Variants in PDE9A observed in about 807,000 individuals in gnomAD.
PDE9A encodes phosphodiesterase 9A, also known as high affinity cGMP-specific 3',5'-cyclic phosphodiesterase 9A.
PDE9A carries 60 observed loss-of-function variants against 87.4 expected under a neutral mutation model. The observed-to-expected ratio is 0.69, with a 90% CI of 0.56 to 0.85. The LOEUF (loss-of-function observed/expected upper bound fraction) is 0.85, where lower values mean the gene tolerates loss of function less well. PDE9A is among the 40% of genes least tolerant of loss of function. The pLI is 0.00. For synonymous variants in PDE9A, 272 were observed against 279.4 expected, an observed-to-expected ratio of 0.97 and a Z score of 0.27; for missense variants, 665 against 779.0, an observed-to-expected ratio of 0.85 and a Z score of 1.74.
intron 16 of PDE9A, 184 bp downstream of exon 16, chr21:42,768,476 T>A: frequency 8.5e-7 from 1 of 1,181,398 alleles, no homozygotes; most frequent in Admixed American, 3.1e-5. Context: ...ATTTGAGACC[T>A]GAAAGACAGT....
chr21:42,689,018 T>A (rs981218667), intron 3 of PDE9A, among the ~76,000 whole-genome samples: 2 of 151,306 alleles, frequency 1.3e-5, no homozygotes, highest in Admixed American at 6.6e-5. Flanking sequence ...TCAGTAGACA[T>A]GGCCAGTGCC....
rs567948767 is a variant in PDE9A at position 42,696,514 on chromosome 21, C to T, written c.219-2454C>T. Among the ~76,000 whole-genome samples the T allele has an allele frequency of 6.6e-5, 10 of 152,150 alleles. No individual in the cohort carries two copies. Among genetic ancestry groups the T allele is most frequent in the South Asian group, 2.1e-4 (1 of 4,816 alleles). On this transcript the variant is annotated intron_variant, in intron 3 of 19. Transcript: ENST00000291539. This position sits in a 1 kb window ranked among gnomAD's most constrained non-coding sequence, Gnocchi z 5.1. The stretch of plus-strand genomic sequence containing the variant: ...TGGCAAAGCCCCTTCCTGCTGCCCA[C>T]GCAGGTCCTGGCTTTCTCTCCACCC...
At chr21:42,688,664 C>T (rs1048793569) in intron 3 of PDE9A, among the ~76,000 whole-genome samples, 7 of 152,202 alleles carry the variant, frequency 4.6e-5, no homozygotes, top group East Asian at 1.9e-4. Flanking sequence ...CCTCATGAGG[C>T]GAGGGAGCAG....
intron 1 of PDE9A, among the ~76,000 whole-genome samples, chr21:42,665,071 C>G (rs1195312772): frequency 6.6e-6 from 1 of 152,230 alleles, no homozygotes; most frequent in Admixed American, 6.5e-5. Flanking sequence ...AAGGCAGACA[C>G]ACATTTGTCC....
intron 9 of PDE9A, among the ~76,000 whole-genome samples, chr21:42,752,611 A>T (rs1371794556): frequency 6.6e-6 from 1 of 152,218 alleles, no homozygotes; most frequent in African/African-American, 2.4e-5. Context: ...TCCATTGGAA[A>T]ATATGCCCCG....
intron 16 of PDE9A, 104 bp from the exon 17 acceptor site, chr21:42,768,919 TTTGG>T: frequency 6.6e-7 from 1 of 1,505,450 alleles, no homozygotes; most frequent in East Asian, 2.3e-5. Context: ...TGTGGTGTGG[TTTGG>T]TTGGTTGGTG....
chr21:42,755,447 ACTGCTGCAAAC>A (rs1167997385), intron 10 of PDE9A, among the ~76,000 whole-genome samples: 1 of 152,234 alleles, frequency 6.6e-6, no homozygotes, highest in Non-Finnish European at 1.5e-5. Flanking sequence ...CAGGGGCTGC[ACTGCTGCAAAC>A]CTGCTCAAAA....
chr21:42,748,153 A>G (rs930628431), intron 8 of PDE9A, among the ~76,000 whole-genome samples: 11 of 152,258 alleles, frequency 7.2e-5, no homozygotes, highest in African/African-American at 2.7e-4. Context: ...GAGACAGCAC[A>G]TGTGCGAATG....
rs777946162 is a variant in PDE9A at position 42,704,602 on chromosome 21, G to T, written c.262+5591G>T. Among the ~76,000 whole-genome samples, 1 of 152,228 alleles carries T rather than the reference G, an allele frequency of 6.6e-6. No individual in the cohort carries two copies. Among genetic ancestry groups the T allele is most frequent in the African/African-American group, 2.4e-5 (1 of 41,454 alleles). The stretch of plus-strand genomic sequence containing the variant: ...CCTTGGGTCCCAGAGCCACTGAGCC[G>T]TGGCCCAAGGTCAGGAGTTAGCTCT... On this transcript the variant is annotated intron_variant, in intron 4 of 19. Transcript: ENST00000291539. The surrounding 1 kb of genome is among the most constrained non-coding windows in gnomAD (Gnocchi z 5.3).
chr21:42,657,249 C>T (rs1400983955), intron 1 of PDE9A, among the ~76,000 whole-genome samples: 3 of 152,228 alleles, frequency 2.0e-5, no homozygotes, highest in African/African-American at 7.2e-5. Flanking sequence ...CGGCCTGTTC[C>T]CGTCATCTGT....
intron 9 of PDE9A, 61 bp downstream of exon 9, chr21:42,751,258 C>T: frequency 8.3e-7 from 1 of 1,211,922 alleles, no homozygotes; most frequent in Non-Finnish European, 1.2e-6. Context: ...ACGCCCAGCC[C>T]TGTGGCCCTG....
intron 9 of PDE9A, among the ~76,000 whole-genome samples, chr21:42,751,986 G>A (rs540626430): frequency 4.4e-4 from 67 of 151,952 alleles, no homozygotes; most frequent in Non-Finnish European, 7.5e-4. Flanking sequence ...TGTGACCTCA[G>A]GTGATCCGCC....
intron 4 of PDE9A, among the ~76,000 whole-genome samples, chr21:42,712,317 C>T (rs938584667): frequency 1.1e-4 from 16 of 152,058 alleles, no homozygotes; most frequent in Non-Finnish European, 1.9e-4. Context: ...CATTAATTTT[C>T]CAATTGTTTG....
At chr21:42,698,448 G>A (rs868666763) in intron 3 of PDE9A, among the ~76,000 whole-genome samples, 6 of 152,148 alleles carry the variant, frequency 3.9e-5, no homozygotes, top group Admixed American at 3.3e-4. Context: ...TTTGGCTGTC[G>A]TCTGCACAGC....
intron 15 of PDE9A, 62 bp downstream of exon 15, chr21:42,765,556 A>C (rs751223260): frequency 7.0e-6 from 6 of 861,098 alleles, no homozygotes. Context: ...CAGGTCATCC[A>C]TCCAGCTCAC....
chr21:42,672,318 G>A (rs112759540), intron 1 of PDE9A, among the ~76,000 whole-genome samples: 1,776 of 152,322 alleles, frequency 0.012, 39 homozygotes, highest in African/African-American at 0.04. Flanking sequence ...TCTCTTGTCT[G>A]TCCTCGTCTG....
chr21:42,678,102 C>T (rs968923274), intron 1 of PDE9A, among the ~76,000 whole-genome samples: 4 of 152,230 alleles, frequency 2.6e-5, no homozygotes, highest in African/African-American at 4.8e-5. Context: ...CAAGGAAGCT[C>T]CTCAAATAGA....
rs986261401 is a variant in PDE9A at position 42,675,198 on chromosome 21, A to G, written c.70-10994A>G. Among the ~76,000 whole-genome samples the G allele has an allele frequency of 6.6e-6, 1 of 152,232 alleles. No homozygotes were observed. Among genetic ancestry groups the G allele is most frequent in the African/African-American group, 2.4e-5 (1 of 41,450 alleles). ...AGCATTACATCAGCAGCGGTTTCCA[A>G]TATAGCATTAAATTGTCTTCAAAAA... On this transcript the variant is annotated intron_variant, in intron 1 of 19. Coordinates refer to ENST00000291539, the MANE Select transcript of PDE9A (RefSeq NM_002606.3). This position sits in a 1 kb window ranked among gnomAD's most constrained non-coding sequence, Gnocchi z 4.3.
chr21:42,725,652 T>C (rs1004918650), intron 4 of PDE9A, among the ~76,000 whole-genome samples: 3 of 152,204 alleles, frequency 2.0e-5, no homozygotes, highest in Non-Finnish European at 2.9e-5. Context: ...CTGGCATCCA[T>C]CCGGGTTGTC....
Sources: allele counts gnomAD v4.1 joint callset (sites outside exome capture counted in the v4.1 genomes callset), GRCh38; gene constraint gnomAD v4.1.1; non-coding constraint Gnocchi (gnomAD v3.1); transcripts MANE v1.5; gene names NCBI Gene and HGNC (gene_info 2026-07-23, HGNC 2026-07-21).